SEPTIN11: variants seen among roughly 807,000 people sequenced by gnomAD.
SEPTIN11 encodes the protein septin-11.
A neutral mutation model predicts 51.4 loss-of-function variants in SEPTIN11; 25 were observed. That is an observed-to-expected ratio of 0.49 (90% CI 0.35 to 0.68). SEPTIN11 has a LOEUF of 0.68. Among genes scored for constraint, SEPTIN11 ranks in the 30% least tolerant of loss-of-function variants. The probability of loss-of-function intolerance (pLI) is 0.00; values close to 1 mark genes in which losing one functional copy is unlikely to be tolerated. For missense variants in SEPTIN11, 381 were observed against 520.8 expected (o/e 0.73, Z 2.61); for synonymous variants, 174 against 184.1 (o/e 0.95, Z 0.44).
In SEPTIN11 at chr4:76,949,782, C is replaced by T. The variant is rs1298528998; in HGVS notation, c.-122C>T. 20 of 1,100,384 alleles carry T rather than the reference C, an allele frequency of 1.8e-5. No homozygotes were observed. The highest frequency in any genetic ancestry group is 2.5e-5 in the Non-Finnish European group (20 of 791,140). 68.2% of individuals were successfully genotyped at this position (1,100,384 alleles called of 1,614,324 possible). A position where few individuals can be genotyped will look rare whatever the true frequency, so the allele number is the denominator to read the frequency against. The stretch of plus-strand genomic sequence containing the variant: ...GATGCCGCTGGCTGCCAGCGGGACG[C>T]CGGCGAGCAGAGCGCAGCCGCGAGG... On this transcript the variant is annotated 5_prime_UTR_variant, in exon 1 of 10. Transcript: ENST00000264893.
intron 2 of SEPTIN11, among the ~76,000 whole-genome samples, chr4:77,000,007 G>A (rs1373919612): frequency 1.3e-5 from 2 of 152,086 alleles, no homozygotes; most frequent in Non-Finnish European, 2.9e-5. Flanking sequence ...TTTTAAATTT[G>A]TATGTCTTTC....
Position 77,005,788 on chromosome 4 carries a change from AG to A in SEPTIN11, c.331del (p.Asp111MetfsTer7). On this transcript the variant is annotated frameshift_variant, in exon 3 of 10. Transcript: ENST00000264893. LOFTEE classifies it high-confidence loss of function. Reference protein sequence around the residue: ...TVGFGDQINKDDSYKPIVEYI... With the variant: ...TVGFGDQINKXDSYKPIVEYI... Reference sequence around the variant, plus strand: ...TGGGATTTGGAGACCAGATAAATAAAGATGACAGGTACATCTTGGGATTTTG... The same window carrying A: ...TGGGATTTGGAGACCAGATAAATAAAATGACAGGTACATCTTGGGATTTTG... 1 of 1,613,566 alleles carries A rather than the reference AG, an allele frequency of 6.2e-7. No individual in the cohort carries two copies. Among genetic ancestry groups the A allele is most frequent in the South Asian group, 1.1e-5 (1 of 90,980 alleles).
chr4:76,981,340 C>T (rs981665995), intron 1 of SEPTIN11, among the ~76,000 whole-genome samples: 10 of 152,168 alleles, frequency 6.6e-5, no homozygotes, highest in African/African-American at 2.4e-4. Context: ...TTCTTGTGAG[C>T]TGCAGCATGT....
Position 77,036,566 on chromosome 4 carries a change from T to C in SEPTIN11, c.*2054T>C. On this transcript the variant is annotated 3_prime_UTR_variant, in exon 10 of 10. Transcript: ENST00000264893. ...TTGATTCCAAGATTATTGATTGGAT[T>C]GACTTTTTTGCATTAAATTTTTCCC... 7.1e-7 allele frequency: 1 copy of C among 1,417,944 alleles called. No individual in the cohort carries two copies. The highest frequency in any genetic ancestry group is 9.1e-7 in the Non-Finnish European group (1 of 1,094,188). 87.8% of individuals were successfully genotyped at this position (1,417,944 alleles called of 1,614,324 possible).
intron 2 of SEPTIN11, among the ~76,000 whole-genome samples, 172 bp downstream of exon 2, chr4:76,996,711 A>G (rs998994071): frequency 9.2e-5 from 14 of 152,166 alleles, no homozygotes; most frequent in African/African-American, 3.4e-4. Flanking sequence ...AAAGATTGAG[A>G]GCTGTATTTA....
At chr4:77,031,907 C>T (rs957757737) in intron 9 of SEPTIN11, 4 of 152,164 alleles carry the variant, frequency 2.6e-5, no homozygotes, top group African/African-American at 7.2e-5. Flanking sequence ...GTTGCTCTTT[C>T]GCCTTACATG....
intron 7 of SEPTIN11, among the ~76,000 whole-genome samples, chr4:77,023,067 C>A (rs1299974350): frequency 2.0e-5 from 3 of 152,082 alleles, no homozygotes; most frequent in African/African-American, 7.2e-5. Flanking sequence ...CTGGGTAGGC[C>A]CAGCAGGGCT....
chr4:76,950,586 T>C (rs1184484968), intron 1 of SEPTIN11, among the ~76,000 whole-genome samples: 1 of 151,560 alleles, frequency 6.6e-6, no homozygotes, highest in Admixed American at 6.6e-5. Context: ...GGCGGCGGGC[T>C]GAGGAGGCTG....
intron 3 of SEPTIN11, chr4:77,009,826 C>G (rs574565547): frequency 6.6e-6 from 1 of 152,286 alleles, no homozygotes; most frequent in Non-Finnish European, 1.5e-5. Flanking sequence ...TGGGGAAGAG[C>G]CCTAATCCCC....
At chr4:76,951,536 C>G (rs1160525049) in intron 1 of SEPTIN11, among the ~76,000 whole-genome samples, 3 of 152,020 alleles carry the variant, frequency 2.0e-5, no homozygotes, top group South Asian at 2.1e-4. Context: ...TTAAATTACT[C>G]CTCCCCCTGC....
intron 8 of SEPTIN11, 144 bp downstream of exon 8, chr4:77,028,905 T>C: frequency 1.2e-6 from 1 of 835,098 alleles, no homozygotes; most frequent in Non-Finnish European, 1.8e-6. Flanking sequence ...GCCAGGAAAA[T>C]GGGTCAGATA....
intron 1 of SEPTIN11, 107 bp downstream of exon 1, chr4:76,950,037 G>T: frequency 8.5e-7 from 1 of 1,183,352 alleles, no homozygotes; most frequent in Non-Finnish European, 1.1e-6. Flanking sequence ...TCGGCCCCGC[G>T]GCGGCGGCGA....
intron 1 of SEPTIN11, chr4:76,959,008 A>C: frequency 1.3e-6 from 1 of 769,858 alleles, no homozygotes; most frequent in Non-Finnish European, 2.4e-6. Flanking sequence ...CATCTACTTC[A>C]AGGAATACCA....
At position 77,037,487 on chromosome 4, in the gene SEPTIN11, A is replaced by T. The variant is rs1727114974; in HGVS notation, c.*2975A>T. ...CCAGAATGAGAAATTACCATCTTCT[A>T]CTAGAGAAAACCAAGAGAAAAATTT... is the stretch of plus-strand genomic sequence containing the variant. On this transcript the variant is annotated 3_prime_UTR_variant, in exon 10 of 10. Coordinates refer to ENST00000264893, the MANE Select transcript of SEPTIN11 (RefSeq NM_018243.4). The T allele has an allele frequency of 9.1e-6, 9 of 985,360 alleles. No individual in the cohort carries two copies. The highest frequency in any genetic ancestry group is 1.1e-5 in the Non-Finnish European group (9 of 829,842). The allele number at this position is 985,360 out of a possible 1,614,324, so 61.0% of individuals were successfully genotyped here.
intron 7 of SEPTIN11, among the ~76,000 whole-genome samples, chr4:77,022,852 C>T (rs1725815686): frequency 6.7e-6 from 1 of 149,372 alleles, no homozygotes; most frequent in Non-Finnish European, 1.5e-5. Context: ...ATCTACACCA[C>T]CAGGAAGGGC....
chr4:76,958,609 G>A (rs1211719278), intron 1 of SEPTIN11, among the ~76,000 whole-genome samples: 2 of 152,138 alleles, frequency 1.3e-5, no homozygotes, highest in Non-Finnish European at 2.9e-5. Context: ...GAGTATGAAT[G>A]TTAATTTTGT....
intron 1 of SEPTIN11, among the ~76,000 whole-genome samples, chr4:76,992,210 A>G (rs1723418993): frequency 6.6e-6 from 1 of 152,232 alleles, no homozygotes; most frequent in Non-Finnish European, 1.5e-5. Context: ...TGGCATTGCC[A>G]GGATCAGCGA....
rs995644311 is a variant in SEPTIN11, at chr4:76,956,400, C to G, written c.27+6470C>G. Among the ~76,000 whole-genome samples the G allele has an allele frequency of 4.6e-5, 7 of 152,262 alleles. No individual in the cohort carries two copies. In the South Asian group the frequency reaches 1.2e-3, roughly 27 times the overall value. Reference sequence around the variant, plus strand: ...GCTTTGGAACCAAAGGCTTTTAGACCAACATGCATACAGACCTCCCATCTG... The same window carrying G: ...GCTTTGGAACCAAAGGCTTTTAGACGAACATGCATACAGACCTCCCATCTG... On this transcript the variant is annotated intron_variant, in intron 1 of 9. Transcript: ENST00000264893.
chr4:76,998,050 G>T (rs1013983605), intron 2 of SEPTIN11, among the ~76,000 whole-genome samples: 1 of 152,034 alleles, frequency 6.6e-6, no homozygotes, highest in South Asian at 2.1e-4. Context: ...GACTCCTTGT[G>T]TTAAATAAGA....
Sources: gnomAD v4.1 joint callset for allele counts (sites outside exome capture counted in the v4.1 genomes callset) on GRCh38, gnomAD v4.1.1 for gene constraint, MANE v1.5 for transcripts, NCBI Gene and HGNC (gene_info 2026-07-23, HGNC 2026-07-21) for gene names.